The following DGLUCY variants were observed in gnomAD, a reference collection of about 807,000 sequenced individuals.
DGLUCY encodes D-glutamate cyclase, mitochondrial.
A neutral mutation model predicts 58.5 loss-of-function variants in DGLUCY; 58 were observed. The ratio of observed to expected loss-of-function variants is 0.99; its 90% CI spans 0.80 to 1.23. DGLUCY has a LOEUF of 1.23. DGLUCY is among the 50% of genes most tolerant of loss of function. The pLI is 0.00. For missense variants in DGLUCY, 779 were observed against 784.7 expected (o/e 0.99, Z 0.09); for synonymous variants, 325 against 314.1 (o/e 1.03, Z -0.37).
intron 9 of DGLUCY, among the ~76,000 whole-genome samples, chr14:91,190,049 G>A (rs1395230304): frequency 7.1e-6 from 1 of 140,398 alleles, no homozygotes; most frequent in East Asian, 2.2e-4. Context: ...GTGCAGTGGC[G>A]CGATCTCGGC....
In DGLUCY at chr14:91,167,314, C is replaced by G; in HGVS notation, c.193C>G (p.Leu65Val). 1.2e-6 allele frequency: 2 copies of G among 1,614,064 alleles called. No homozygotes were observed. The highest frequency in any genetic ancestry group is 1.7e-6 in the Non-Finnish European group (2 of 1,179,992). The change falls in exon 4 of 14, where the codon CTG (leucine) becomes GTG (valine). Residue 65 changes from leucine to valine, a missense_variant. Leu to Val is a conservative substitution (Grantham distance 32, BLOSUM62 1). Transcript: ENST00000256324. ...FCQVNTGPLP[L>V]LGQSEPEKWM... ...CCAGGTCAACACTGGTCCTCTACCCCTGCTGGGCCAGAGTGAGCCAGAAAA... is the reference window on the plus strand; with the variant it reads ...CCAGGTCAACACTGGTCCTCTACCCGTGCTGGGCCAGAGTGAGCCAGAAAA...
At chr14:91,089,313 GA>G (rs1427587762) in intron 1 of DGLUCY, among the ~76,000 whole-genome samples, 3 of 152,154 alleles carry the variant, frequency 2.0e-5, no homozygotes, top group Admixed American at 2.0e-4. Flanking sequence ...TGTGCAGAGA[GA>G]AAAGGCAACT....
chr14:91,075,441 C>G lies in DGLUCY; in HGVS notation c.-82+14737C>G, dbSNP rs192082269. ...GGCAGGCATGAGCCACCGCACCCTA[C>G]CTAGAGTCATGTTTTTAATTAATAA... On this transcript the variant is annotated intron_variant, in intron 1 of 4. Transcript: ENST00000521334. 2.0e-4 allele frequency among the ~76,000 whole-genome samples: 31 copies of G among 152,270 alleles called. 1 individual carries two copies. In the Middle Eastern group the frequency reaches 0.014, roughly 67 times the overall value.
intron 12 of DGLUCY, among the ~76,000 whole-genome samples, chr14:91,207,639 T>TG: frequency 6.6e-6 from 1 of 152,320 alleles, no homozygotes; most frequent in East Asian, 1.9e-4. Flanking sequence ...CAGAGGCAGG[T>TG]GGGGAAAACC....
chr14:91,220,555 C>T (rs542786621), intron 13 of DGLUCY: 14 of 456,364 alleles, frequency 3.1e-5, no homozygotes, highest in African/African-American at 2.4e-4. Context: ...AAGGCCAAGA[C>T]AGAGCTGGGG....
At chr14:91,086,062 G>A (rs576912603) in intron 1 of DGLUCY, among the ~76,000 whole-genome samples, 1 of 152,292 alleles carries the variant, frequency 6.6e-6, no homozygotes, top group Admixed American at 6.5e-5. Flanking sequence ...TCTCAGGGGA[G>A]CATGAACCCT....
chr14:91,189,700 A>G (rs375001285), intron 9 of DGLUCY: 3 of 158,022 alleles, frequency 1.9e-5, no homozygotes, highest in South Asian at 1.9e-4. Flanking sequence ...TGCTCACCTC[A>G]CCTCCATCCT....
intron 1 of DGLUCY, among the ~76,000 whole-genome samples, chr14:91,145,633 C>A (rs1280115022): frequency 6.6e-6 from 1 of 152,146 alleles, no homozygotes; most frequent in Non-Finnish European, 1.5e-5. Context: ...CCACCATCCC[C>A]CTCCTCCTCC....
intron 1 of DGLUCY, among the ~76,000 whole-genome samples, chr14:91,083,086 C>A (rs1049883363): frequency 2.6e-5 from 4 of 152,178 alleles, no homozygotes; most frequent in African/African-American, 9.7e-5. Flanking sequence ...GATCTACAGG[C>A]ATTGCATGCC....
Position 91,224,825 on chromosome 14 carries a change from C to G in DGLUCY, c.1858C>G (p.Gln620Glu). The G allele has an allele frequency of 6.2e-7, 1 of 1,611,724 alleles. No individual in the cohort carries two copies. Among genetic ancestry groups the G allele is most frequent in the Non-Finnish European group, 8.5e-7 (1 of 1,178,360 alleles). ...IQKLVDVTTA[Q>E]V is the part of the protein sequence containing the mutation. The stretch of plus-strand genomic sequence containing the variant: ...GAAGCTGGTGGACGTCACCACGGCA[C>G]AGGTGTAACCGTCCATGTTCCGTGT... Residue 620 changes from glutamine (Q) to glutamate (E), a missense_variant, in exon 14 of 14, where the codon CAG becomes GAG. Physicochemically the swap from Gln to Glu is conservative, Grantham distance 29 (BLOSUM62 2). Coordinates refer to ENST00000256324, the MANE Select transcript of DGLUCY (RefSeq NM_001102368.3).
chr14:91,170,362 A>C (rs937134271), intron 5 of DGLUCY, among the ~76,000 whole-genome samples, 161 bp downstream of exon 5: 1 of 152,186 alleles, frequency 6.6e-6, no homozygotes, highest in Non-Finnish European at 1.5e-5. Flanking sequence ...AGAAATGATC[A>C]ATCTCTCTGA....
chr14:91,145,723 T>G (rs2046981432), intron 1 of DGLUCY, among the ~76,000 whole-genome samples: 1 of 152,148 alleles, frequency 6.6e-6, no homozygotes, highest in Non-Finnish European at 1.5e-5. Flanking sequence ...CATCATCTCC[T>G]GGAACTATCC....
chr14:91,166,188 T>A (rs1205643763), intron 3 of DGLUCY, among the ~76,000 whole-genome samples: 2 of 152,218 alleles, frequency 1.3e-5, no homozygotes, highest in African/African-American at 4.8e-5. Context: ...GGATGCTGGT[T>A]ACATGGGTGC....
intron 1 of DGLUCY, among the ~76,000 whole-genome samples, chr14:91,086,010 C>T (rs1056673996): frequency 1.3e-5 from 2 of 152,186 alleles, no homozygotes; most frequent in Non-Finnish European, 2.9e-5. Context: ...CTCCCCATCA[C>T]CTGAGCTCTG....
At chr14:91,128,309 CAA>C (rs34796763) in intron 1 of DGLUCY, among the ~76,000 whole-genome samples, 134 of 102,898 alleles carry the variant, frequency 1.3e-3, no homozygotes, top group East Asian at 4.6e-3. Flanking sequence ...CCCATCTCTA[CAA>C]AAAAAAAAAA....
At chr14:91,194,755 G>A (rs1052178147) in intron 9 of DGLUCY, among the ~76,000 whole-genome samples, 1 of 152,154 alleles carries the variant, frequency 6.6e-6, no homozygotes, top group African/African-American at 2.4e-5. Context: ...TGGCCAGGAT[G>A]ATCTCAATCT....
chr14:91,196,230 C>T (rs2050197880), intron 9 of DGLUCY, 145 bp from the exon 10 acceptor site: 1 of 647,626 alleles, frequency 1.5e-6, no homozygotes, highest in Non-Finnish European at 2.7e-6. Context: ...TGTGTCATGG[C>T]CTCGGCTTAC....
At chr14:91,216,645 CAA>C (rs71120125) in intron 13 of DGLUCY, among the ~76,000 whole-genome samples, 16 of 137,444 alleles carry the variant, frequency 1.2e-4, no homozygotes, top group Non-Finnish European at 1.1e-4. Flanking sequence ...GACCCTGTCT[CAA>C]AAAAAAAAAA....
At position 91,215,401 on chromosome 14, in the gene DGLUCY, C is replaced by G; in HGVS notation, c.1565-4C>G. 1.2e-6 allele frequency: 2 copies of G among 1,601,550 alleles called. No individual in the cohort carries two copies. Among genetic ancestry groups the G allele is most frequent in the Non-Finnish European group, 1.7e-6 (2 of 1,171,578 alleles). ...CATGATGGAATCTTGTTTTGCTGTTCTAGGTGTTTCTAACTGGGGAGGCTA... is the reference window on the plus strand; with the variant it reads ...CATGATGGAATCTTGTTTTGCTGTTGTAGGTGTTTCTAACTGGGGAGGCTA... On this transcript the variant is annotated splice_region_variant and splice_polypyrimidine_tract_variant and intron_variant, in intron 12 of 13. Transcript: ENST00000256324.
Sources: allele counts gnomAD v4.1 joint callset (sites outside exome capture counted in the v4.1 genomes callset), GRCh38; gene constraint gnomAD v4.1.1; transcripts MANE v1.5; gene names NCBI Gene and HGNC (gene_info 2026-07-23, HGNC 2026-07-21).